Variants in HTR4 observed in about 807,000 individuals in gnomAD.
HTR4 encodes 5-hydroxytryptamine (serotonin) receptor 4, G protein-coupled.
In HTR4, 16 loss-of-function variants were observed where a neutral mutation model predicts 36.8. The observed-to-expected ratio is 0.43, with a 90% confidence interval of 0.29 to 0.66. The LOEUF (loss-of-function observed/expected upper bound fraction) is 0.66, where lower values mean the gene tolerates loss of function less well. Ranked by LOEUF, HTR4 falls within the 30% of genes least tolerant of loss-of-function variation. The probability of loss-of-function intolerance (pLI) is 0.13; values close to 1 mark genes in which losing one functional copy is unlikely to be tolerated. For synonymous variants in HTR4, 189 were observed against 185.1 expected (o/e 1.02, Z -0.17); for missense variants, 438 against 490.9 (o/e 0.89, Z 1.02).
At chr5:148,487,629 G>A (rs574018063) in intron 6 of HTR4, among the ~76,000 whole-genome samples, 26 of 152,136 alleles carry the variant, frequency 1.7e-4, no homozygotes, top group Non-Finnish European at 3.2e-4. Flanking sequence ...TGATTCTTAC[G>A]CACACAGGTG....
At chr5:148,636,689 C>T (rs1049160407) in intron 2 of HTR4, among the ~76,000 whole-genome samples, 2 of 152,170 alleles carry the variant, frequency 1.3e-5, no homozygotes, top group East Asian at 1.9e-4. Context: ...ATTTTTACCC[C>T]TACTTAAATA....
At chr5:148,485,888 G>A (rs1279916960) in intron 6 of HTR4, among the ~76,000 whole-genome samples, 1 of 152,180 alleles carries the variant, frequency 6.6e-6, no homozygotes, top group Non-Finnish European at 1.5e-5. Context: ...TTTGAGAAAT[G>A]TTTCCGAAGG....
intron 2 of HTR4, among the ~76,000 whole-genome samples, chr5:148,613,618 C>T (rs1752534433): frequency 6.7e-6 from 1 of 150,340 alleles, no homozygotes; most frequent in Admixed American, 6.8e-5. Flanking sequence ...TGAAAACTGG[C>T]ACAAGACAGG....
chr5:148,567,500 C>T (rs1205864004), intron 2 of HTR4, among the ~76,000 whole-genome samples: 1 of 152,092 alleles, frequency 6.6e-6, no homozygotes, highest in Non-Finnish European at 1.5e-5. Flanking sequence ...TGCAGAATAT[C>T]CCAAGTTTCT....
chr5:148,654,353 C>T lies in HTR4; in HGVS notation c.-339G>A, dbSNP rs1003611691. The T allele has an allele frequency of 2.6e-5, 26 of 985,458 alleles. No individual in the cohort carries two copies. The African/African-American group carries it at 4.2e-4, about 16-fold the overall frequency. The allele number at this position is 985,458 out of a possible 1,614,324, so 61.0% of individuals were successfully genotyped here. ...CTCCACGGGCTCAACAGCCCCCAGC[C>T]CCGGTGGTCCCCGCTGCCCTGCCCG... On this transcript the variant is annotated 5_prime_UTR_variant, in exon 1 of 7. Coordinates refer to ENST00000377888, the MANE Select transcript of HTR4 (RefSeq NM_000870.7).
intron 1 of HTR4, among the ~76,000 whole-genome samples, chr5:148,639,723 T>G (rs1753666463): frequency 6.6e-6 from 1 of 150,916 alleles, no homozygotes; most frequent in African/African-American, 2.4e-5. Context: ...ACTGTCTTGA[T>G]CACTGTGACA....
chr5:148,603,158 T>C (rs1416254822), intron 2 of HTR4, among the ~76,000 whole-genome samples: 1 of 152,000 alleles, frequency 6.6e-6, no homozygotes, highest in Non-Finnish European at 1.5e-5. Context: ...ATCTAAAAAT[T>C]GTAAGCAAAA....
At chr5:148,588,675 G>C (rs1287695045) in intron 2 of HTR4, among the ~76,000 whole-genome samples, 1 of 150,268 alleles carries the variant, frequency 6.7e-6, no homozygotes, top group Non-Finnish European at 1.5e-5. Flanking sequence ...CGAGTAGCTG[G>C]GACTACAGGC....
chr5:148,565,272 A>G (rs2113872323), intron 2 of HTR4, among the ~76,000 whole-genome samples: 1 of 152,286 alleles, frequency 6.6e-6, no homozygotes, highest in African/African-American at 2.4e-5. Context: ...CTTCTAGCTC[A>G]CAATGTAGCA....
intron 1 of HTR4, among the ~76,000 whole-genome samples, chr5:148,639,878 T>C (rs1753670644): frequency 6.6e-6 from 1 of 152,034 alleles, no homozygotes; most frequent in Non-Finnish European, 1.5e-5. Context: ...AAGGGGACCA[T>C]CTCAGAATAG....
intron 2 of HTR4, among the ~76,000 whole-genome samples, chr5:148,625,042 C>T (rs1434208379): frequency 6.6e-6 from 1 of 151,978 alleles, no homozygotes; most frequent in Non-Finnish European, 1.5e-5. Context: ...GGTCAGGAGG[C>T]TTGGGGGTCA....
At chr5:148,561,769 G>C (rs909733695) in intron 2 of HTR4, among the ~76,000 whole-genome samples, 1 of 152,066 alleles carries the variant, frequency 6.6e-6, no homozygotes, top group African/African-American at 2.4e-5. Flanking sequence ...GAGAAATTCA[G>C]CACAGGGAAA....
intron 2 of HTR4, chr5:148,629,291 G>C (rs1753234948): frequency 6.6e-6 from 1 of 152,082 alleles, no homozygotes; most frequent in African/African-American, 2.4e-5. Context: ...GTGTTCCAGG[G>C]AACAAGATTA....
At chr5:148,644,295 T>C (rs1753810309) in intron 1 of HTR4, among the ~76,000 whole-genome samples, 1 of 152,114 alleles carries the variant, frequency 6.6e-6, no homozygotes, top group South Asian at 2.1e-4. Context: ...CCTTTTCATT[T>C]TCTGTTTTAG....
At chr5:148,488,138 T>A (rs797001202) in intron 6 of HTR4, among the ~76,000 whole-genome samples, 1 of 152,192 alleles carries the variant, frequency 6.6e-6, no homozygotes, top group Non-Finnish European at 1.5e-5. Flanking sequence ...TTATTAAAAG[T>A]CCATTTCTTA....
chr5:148,477,408 C>T (rs1581352730), downstream of HTR4, among the ~76,000 whole-genome samples: 1 of 152,096 alleles, frequency 6.6e-6, no homozygotes, highest in East Asian at 1.9e-4. Flanking sequence ...AACAAAGGGG[C>T]AAAGGGGAAA....
chr5:148,634,654 A>T (rs1043569820), intron 2 of HTR4, among the ~76,000 whole-genome samples: 1 of 152,158 alleles, frequency 6.6e-6, no homozygotes. Flanking sequence ...GTCAGCACAC[A>T]CATTAAAGAA....
intron 2 of HTR4, among the ~76,000 whole-genome samples, chr5:148,615,424 A>T (rs912042811): frequency 1.3e-5 from 2 of 148,232 alleles, no homozygotes; most frequent in African/African-American, 5.0e-5. Context: ...GTAAACTATC[A>T]CAAGAACAAA....
chr5:148,557,425 T>A (rs1760000861), intron 2 of HTR4, among the ~76,000 whole-genome samples: 1 of 152,142 alleles, frequency 6.6e-6, no homozygotes, highest in Non-Finnish European at 1.5e-5. Flanking sequence ...GTGAAACACA[T>A]TAAGTGTGAG....
Sources: allele counts gnomAD v4.1 joint callset (sites outside exome capture counted in the v4.1 genomes callset), GRCh38; gene constraint gnomAD v4.1.1; transcripts MANE v1.5; gene names NCBI Gene and HGNC (gene_info 2026-07-23, HGNC 2026-07-21).